CHN1: variants seen among roughly 807,000 people sequenced by gnomAD.
CHN1 encodes the protein chimerin 1.
CHN1 carries 37 observed loss-of-function variants against 59.5 expected under a neutral mutation model. The observed-to-expected ratio is 0.62, with a 90% confidence interval of 0.48 to 0.82. The LOEUF is 0.82. Ranked by LOEUF, CHN1 falls within the 40% of genes least tolerant of loss-of-function variation. The pLI is 0.00. For missense variants in CHN1, 469 were observed against 571.0 expected (o/e 0.82, Z 1.82); for synonymous variants, 206 against 200.4 (o/e 1.03, Z -0.24).
intron 7 of CHN1, among the ~76,000 whole-genome samples, chr2:174,845,344 C>CT (rs1007640948): frequency 1.3e-5 from 2 of 152,114 alleles, no homozygotes; most frequent in Non-Finnish European, 2.9e-5. Flanking sequence ...CCAAAGACTT[C>CT]TTTTTTGACA....
intron 3 of CHN1, among the ~76,000 whole-genome samples, chr2:174,936,345 T>G (rs553647809): frequency 1.4e-4 from 22 of 152,320 alleles, no homozygotes; most frequent in Non-Finnish European, 2.4e-4. Context: ...AATGGTCCAG[T>G]GCCAAATACA....
At chr2:174,894,735 G>T (rs1688158587) in intron 5 of CHN1, among the ~76,000 whole-genome samples, 1 of 152,090 alleles carries the variant, frequency 6.6e-6, no homozygotes, top group African/African-American at 2.4e-5. Context: ...TCTATTGATG[G>T]ATGAGTGGAT....
At chr2:174,842,213 G>T (rs937640868) in intron 7 of CHN1, among the ~76,000 whole-genome samples, 1 of 152,174 alleles carries the variant, frequency 6.6e-6, no homozygotes, top group African/African-American at 2.4e-5. Context: ...TAGACATCGG[G>T]AAAGGGCAAG....
At chr2:174,831,830 C>T (rs1051899634) in intron 7 of CHN1, among the ~76,000 whole-genome samples, 5 of 152,012 alleles carry the variant, frequency 3.3e-5, no homozygotes, top group African/African-American at 1.2e-4. Flanking sequence ...AGTTCGTATT[C>T]AAATATTAGT....
chr2:174,911,841 C>T (rs1180652905), intron 5 of CHN1, among the ~76,000 whole-genome samples: 1 of 152,166 alleles, frequency 6.6e-6, no homozygotes, highest in African/African-American at 2.4e-5. Flanking sequence ...TTAAACCTTA[C>T]AACCTTGCTG....
intron 1 of CHN1, among the ~76,000 whole-genome samples, chr2:174,996,108 G>A (rs1052604102): frequency 9.2e-5 from 14 of 152,166 alleles, no homozygotes; most frequent in African/African-American, 2.9e-4. Flanking sequence ...GAATGTATCC[G>A]CTGAGGATAA....
chr2:174,814,513 T>A (rs1685176901), intron 8 of CHN1, among the ~76,000 whole-genome samples: 1 of 152,242 alleles, frequency 6.6e-6, no homozygotes, highest in African/African-American at 2.4e-5. Flanking sequence ...GTCTAGAATT[T>A]ATTAGCTGTG....
intron 7 of CHN1, among the ~76,000 whole-genome samples, chr2:174,826,381 AAG>A (rs1452687534): frequency 1.3e-5 from 2 of 152,316 alleles, no homozygotes; most frequent in South Asian, 4.1e-4. Context: ...CTGATTCAGA[AAG>A]AGAGTTATAT....
At chr2:174,955,337 T>A (rs903696533) in intron 1 of CHN1, among the ~76,000 whole-genome samples, 7 of 151,736 alleles carry the variant, frequency 4.6e-5, no homozygotes, top group Non-Finnish European at 1.0e-4. Context: ...TCAGGTGAAC[T>A]TACCCAGATG....
intron 6 of CHN1, among the ~76,000 whole-genome samples, chr2:174,864,668 C>T (rs534465164): frequency 2.0e-5 from 3 of 152,060 alleles, no homozygotes; most frequent in Non-Finnish European, 4.4e-5. Context: ...CCCAGAAGTT[C>T]GAGACCAGCC....
intron 5 of CHN1, among the ~76,000 whole-genome samples, chr2:174,905,205 A>T (rs781693046): frequency 1.3e-5 from 2 of 152,190 alleles, no homozygotes; most frequent in East Asian, 1.9e-4. Context: ...TTACTAAAAA[A>T]CAGATCTTAA....
chr2:174,990,178 A>G (rs1691487861), intron 1 of CHN1, among the ~76,000 whole-genome samples: 1 of 150,280 alleles, frequency 6.7e-6, no homozygotes, highest in South Asian at 2.1e-4. Context: ...TTTCCTTCCC[A>G]TTGCTCCTGA....
In CHN1 at chr2:175,004,962, G is replaced by A; in HGVS notation, c.-50C>T. 6 of 1,518,602 alleles carry A rather than the reference G, an allele frequency of 4.0e-6. No homozygotes were observed. The highest frequency in any genetic ancestry group is 5.3e-6 in the Non-Finnish European group (6 of 1,136,264). 94.1% of individuals were successfully genotyped at this position (1,518,602 alleles called of 1,614,324 possible). A position where few individuals can be genotyped will look rare whatever the true frequency, so the allele number is the denominator to read the frequency against. On this transcript the variant is annotated 5_prime_UTR_variant, in exon 1 of 13. Coordinates refer to ENST00000409900, the MANE Select transcript of CHN1 (RefSeq NM_001822.7). ...CGAGTCCAGGCGCTCCTCCCAGGCG[G>A]GCTAGGGATCACCTCATCAGCCCGC...
In CHN1 at chr2:174,918,555, C is replaced by A; in HGVS notation, c.125G>T (p.Arg42Ile). 6.3e-7 allele frequency: 1 copy of A among 1,592,106 alleles called. No individual in the cohort carries two copies. The highest frequency in any genetic ancestry group is 1.7e-5 in the Admixed American group (1 of 57,210). The part of the protein sequence containing the change: ...RITCTCEVEN[R>I]PKYYGREFHG... Reference sequence around the variant, plus strand: ...TTACTCTCTTCCATAATACTTTGGTCTGTTTTCCACCTATTGGGAAAGCAA... The same window carrying A: ...TTACTCTCTTCCATAATACTTTGGTATGTTTTCCACCTATTGGGAAAGCAA... The change falls in exon 4 of 13, where the codon AGA becomes ATA. Residue 42 changes from arginine to isoleucine, a missense_variant. Around this residue, in one of 5 missense-constraint regions of CHN1, gnomAD observed 152 missense variants for 166.1 expected, o/e 0.92. Transcript: ENST00000409900.
intron 5 of CHN1, among the ~76,000 whole-genome samples, chr2:174,889,272 G>GT (rs35776255): frequency 0.031 from 4,668 of 150,734 alleles, 232 homozygotes; most frequent in African/African-American, 0.11. Flanking sequence ...GGAAAAGGTG[G>GT]TTTTTTTTTC....
chr2:174,816,086 A>G (rs1370086882), intron 8 of CHN1, among the ~76,000 whole-genome samples: 1 of 152,136 alleles, frequency 6.6e-6, no homozygotes, highest in Non-Finnish European at 1.5e-5. Context: ...GAATAGTACT[A>G]TTTTACATGT....
chr2:174,959,318 C>T (rs1390031414), intron 1 of CHN1, among the ~76,000 whole-genome samples: 1 of 152,064 alleles, frequency 6.6e-6, no homozygotes, highest in Non-Finnish European at 1.5e-5. Context: ...TGGGTAGAGA[C>T]CTTAGATCAC....
chr2:174,860,708 A>C (rs146767007), intron 6 of CHN1, among the ~76,000 whole-genome samples: 1 of 152,162 alleles, frequency 6.6e-6, no homozygotes, highest in African/African-American at 2.4e-5. Flanking sequence ...GTATTTTTGC[A>C]CCGTATTTTT....
chr2:174,915,849 T>G (rs574382561), intron 4 of CHN1, among the ~76,000 whole-genome samples: 7 of 152,330 alleles, frequency 4.6e-5, no homozygotes, highest in African/African-American at 1.7e-4. Context: ...ATGTCAGTTG[T>G]GACACATATT....
Sources: gnomAD v4.1 joint callset for allele counts (sites outside exome capture counted in the v4.1 genomes callset) on GRCh38, gnomAD v4.1.1 for gene constraint, gnomAD v4.1.1 regional missense constraint, MANE v1.5 for transcripts, NCBI Gene and HGNC (gene_info 2026-07-23, HGNC 2026-07-21) for gene names.